Variants in AGBL1 observed in about 807,000 individuals in gnomAD.
The protein encoded by AGBL1 is cytosolic carboxypeptidase 4.
A neutral mutation model predicts 118.9 loss-of-function variants in AGBL1; 130 were observed. That is an observed-to-expected ratio of 1.09 (90% confidence interval 0.95 to 1.26). The LOEUF (loss-of-function observed/expected upper bound fraction) is 1.26, where lower values mean the gene tolerates loss of function less well. AGBL1 is among the 50% of genes most tolerant of loss of function. The pLI is 0.00. For missense variants in AGBL1, 1,584 were observed against 1,298.1 expected, an observed-to-expected ratio of 1.22 and a Z score of -3.38; for synonymous variants, 555 against 478.9, an observed-to-expected ratio of 1.16 and a Z score of -2.08.
intron 20 of AGBL1, among the ~76,000 whole-genome samples, chr15:86,548,669 A>ACACG (rs1339591696): frequency 1.4e-5 from 1 of 72,256 alleles, no homozygotes; most frequent in Non-Finnish European, 3.7e-5. Context: ...GCACGCACAC[A>ACACG]CACACACACA....
chr15:86,241,111 G>T (rs1365282397), intron 6 of AGBL1, among the ~76,000 whole-genome samples: 1 of 152,172 alleles, frequency 6.6e-6, no homozygotes, highest in Non-Finnish European at 1.5e-5. Context: ...GTGTTTCATT[G>T]TATGTATGGG....
At chr15:86,556,795 G>A (rs977354690) in intron 21 of AGBL1, among the ~76,000 whole-genome samples, 6 of 152,116 alleles carry the variant, frequency 3.9e-5, no homozygotes, top group Admixed American at 6.5e-5. Context: ...CCAAAAGATG[G>A]AGGATACTTA....
At position 86,572,757 on chromosome 15, in the gene AGBL1, T is replaced by G. The variant is rs190509701; in HGVS notation, c.2994+18220T>G. Among the ~76,000 whole-genome samples, 22 of 152,354 alleles carry G rather than the reference T, an allele frequency of 1.4e-4. 1 individual carries two copies. The East Asian group carries it at 3.3e-3, about 23-fold the overall frequency. Reference sequence around the variant, plus strand: ...CCAGCTGCCACCGCCTGCGCTTCGCTGCTTCAGCCAGCATGATGGCAGTGG... The same window carrying G: ...CCAGCTGCCACCGCCTGCGCTTCGCGGCTTCAGCCAGCATGATGGCAGTGG... On this transcript the variant is annotated intron_variant, in intron 21 of 22. Transcript: ENST00000614907.
intron 18 of AGBL1, among the ~76,000 whole-genome samples, chr15:86,424,760 A>T (rs1210169243): frequency 1.3e-5 from 2 of 152,248 alleles, no homozygotes; most frequent in Non-Finnish European, 1.5e-5. Context: ...AAAGGAAGAT[A>T]TTTATGTGGC....
chr15:86,424,131 A>G (rs866218158), intron 18 of AGBL1, among the ~76,000 whole-genome samples: 14 of 152,334 alleles, frequency 9.2e-5, no homozygotes, highest in Admixed American at 5.2e-4. Flanking sequence ...ACTTCAATCT[A>G]TACTACAAGG....
intron 22 of AGBL1, among the ~76,000 whole-genome samples, chr15:86,715,833 C>T (rs577019444): frequency 6.6e-6 from 1 of 151,942 alleles, no homozygotes; most frequent in African/African-American, 2.4e-5. Flanking sequence ...CTGAGGCGGG[C>T]GGATCACAAG....
At position 86,833,835 on chromosome 15, in the gene AGBL1, A is replaced by G. The variant is rs2079138500; in HGVS notation, c.3159-73252A>G. Among the ~76,000 whole-genome samples, 6 of 152,230 alleles carry G rather than the reference A, an allele frequency of 3.9e-5. No individual in the cohort carries two copies. The South Asian group carries it at 1.2e-3, about 32-fold the overall frequency. The stretch of plus-strand genomic sequence containing the variant: ...ATGGGTCCAGAAATCAGTGTGCAAA[A>G]ATAGAATTTACACATCTCAGCCTCA... On this transcript the variant is annotated intron_variant, in intron 22 of 22. Transcript: ENST00000614907.
chr15:86,237,971 C>T (rs1224924795), intron 6 of AGBL1, among the ~76,000 whole-genome samples: 1 of 152,184 alleles, frequency 6.6e-6, no homozygotes, highest in African/African-American at 2.4e-5. Flanking sequence ...GCTTTATCCA[C>T]TTGCTGTGTG....
At chr15:86,367,924 C>G (rs1242395459) in intron 17 of AGBL1, among the ~76,000 whole-genome samples, 1 of 152,112 alleles carries the variant, frequency 6.6e-6, no homozygotes, top group Non-Finnish European at 1.5e-5. Flanking sequence ...GACGTGGTAG[C>G]TAGCATTTTA....
intron 18 of AGBL1, among the ~76,000 whole-genome samples, chr15:86,418,188 T>C (rs2142019465): frequency 6.6e-6 from 1 of 152,346 alleles, no homozygotes; most frequent in African/African-American, 2.4e-5. Flanking sequence ...ATTGATACAT[T>C]TGTTGAACTG....
chr15:86,377,467 C>G (rs1307756384), intron 17 of AGBL1, among the ~76,000 whole-genome samples: 2 of 152,136 alleles, frequency 1.3e-5, no homozygotes, highest in African/African-American at 4.8e-5. Flanking sequence ...CATTTTTGCT[C>G]TAAAATAACA....
At chr15:86,223,045 C>A (rs1375282539) in intron 5 of AGBL1, among the ~76,000 whole-genome samples, 1 of 152,170 alleles carries the variant, frequency 6.6e-6, no homozygotes, top group Non-Finnish European at 1.5e-5. Context: ...GAGACCCACA[C>A]TTTGAGTAGC....
At chr15:86,632,503 G>A (rs561761026) in intron 21 of AGBL1, among the ~76,000 whole-genome samples, 171 of 152,252 alleles carry the variant, frequency 1.1e-3, no homozygotes, top group African/African-American at 3.9e-3. Context: ...TCATGAGAAA[G>A]GAGGGGAGTT....
intron 6 of AGBL1, among the ~76,000 whole-genome samples, chr15:86,238,724 T>C (rs1036906105): frequency 6.6e-6 from 1 of 152,246 alleles, no homozygotes; most frequent in Non-Finnish European, 1.5e-5. Flanking sequence ...TGATAAAGTA[T>C]GTGAGATAGA....
chr15:86,541,617 AGAG>A (rs371160913), intron 19 of AGBL1, among the ~76,000 whole-genome samples: 1 of 125,104 alleles, frequency 8.0e-6, no homozygotes, highest in African/African-American at 3.1e-5. Context: ...AAAAAAAAAA[AGAG>A]AGAGAGAGAG....
chr15:86,779,614 T>C (rs1036471429), intron 22 of AGBL1, among the ~76,000 whole-genome samples: 2 of 152,252 alleles, frequency 1.3e-5, no homozygotes, highest in South Asian at 2.1e-4. Flanking sequence ...ATTCAACTTG[T>C]AGTTGATACT....
chr15:86,927,725 T>G (rs2141630009), intron 23 of AGBL1, among the ~76,000 whole-genome samples: 1 of 152,174 alleles, frequency 6.6e-6, no homozygotes, highest in South Asian at 2.1e-4. Context: ...TGAAAAAAAA[T>G]TACCATGTGC....
chr15:86,152,370 A>G (rs2077124962), intron 3 of AGBL1, among the ~76,000 whole-genome samples: 1 of 152,188 alleles, frequency 6.6e-6, no homozygotes, highest in Non-Finnish European at 1.5e-5. Context: ...ACACATCTAC[A>G]ACGATCTGAT....
chr15:86,262,815 C>G lies in AGBL1; in HGVS notation c.1007C>G (p.Ser336Cys). 6.2e-7 allele frequency: 1 copy of G among 1,610,800 alleles called. No individual in the cohort carries two copies. The highest frequency in any genetic ancestry group is 8.5e-7 in the Non-Finnish European group (1 of 1,178,520). Residue 336 changes from serine (S) to cysteine (C), a missense_variant, in exon 10 of 23, where the codon TCC becomes TGC. Physicochemically the swap from Ser to Cys is moderately radical, Grantham distance 112. Coordinates refer to ENST00000614907, the MANE Select transcript of AGBL1 (RefSeq NM_001386094.1). ...DLETDVNKLS[S>C]KPGLDRPEEE... ...GAAACAGACGTGAACAAGCTGAGTT[C>G]CAAACCTGGTCTTGACCGACCTGAA... is the stretch of plus-strand genomic sequence containing the variant.
Sources: allele counts gnomAD v4.1 joint callset (sites outside exome capture counted in the v4.1 genomes callset), GRCh38; gene constraint gnomAD v4.1.1; transcripts MANE v1.5; gene names NCBI Gene and HGNC (gene_info 2026-07-23, HGNC 2026-07-21).